ZDHHC21: variants seen among roughly 807,000 people sequenced by gnomAD.
ZDHHC21 encodes the protein zDHHC palmitoyltransferase 21.
ZDHHC21 carries 15 observed loss-of-function variants against 34.6 expected under a neutral mutation model. The observed-to-expected ratio is 0.43, with a 90% confidence interval of 0.29 to 0.67. The LOEUF is 0.67. Ranked by LOEUF, ZDHHC21 falls within the 30% of genes least tolerant of loss-of-function variation. The pLI, the probability that ZDHHC21 is intolerant of heterozygous loss-of-function variation, is 0.14. For missense variants in ZDHHC21, 344 were observed against 327.7 expected, an observed-to-expected ratio of 1.05 and a Z score of -0.38; for synonymous variants, 142 against 101.8, an observed-to-expected ratio of 1.40 and a Z score of -2.38.
the ZDHHC21 span, among the ~76,000 whole-genome samples, chr9:14,604,271 G>C: frequency 1.7e-3 from 263 of 152,044 alleles, 2 homozygotes; most frequent in African/African-American, 6.0e-3. Context: ...TAATAACAAA[G>C]GAAATAATCC....
intron 7 of ZDHHC21, among the ~76,000 whole-genome samples, chr9:14,656,610 C>G (rs563999106): frequency 2.6e-4 from 39 of 151,968 alleles, no homozygotes; most frequent in African/African-American, 9.2e-4. Flanking sequence ...TAAAAGTACA[C>G]CGCTTGATAC....
chr9:14,603,696 A>C, the ZDHHC21 span, among the ~76,000 whole-genome samples: 1 of 152,182 alleles, frequency 6.6e-6, no homozygotes, highest in Non-Finnish European at 1.5e-5. Flanking sequence ...AACAGGCAAT[A>C]CTTATTTTTA....
the ZDHHC21 span, among the ~76,000 whole-genome samples, chr9:14,595,829 TA>T: frequency 6.6e-6 from 1 of 152,154 alleles, no homozygotes; most frequent in African/African-American, 2.4e-5. Flanking sequence ...AATATGCACA[TA>T]AAAGATGTTC....
intron 7 of ZDHHC21, among the ~76,000 whole-genome samples, chr9:14,647,053 C>T (rs1288326024): frequency 2.0e-5 from 3 of 152,040 alleles, no homozygotes; most frequent in Non-Finnish European, 4.4e-5. Flanking sequence ...AAAGTATCTA[C>T]AAGGACTGTT....
At chr9:14,692,265 T>C (rs948604975) in intron 1 of ZDHHC21, among the ~76,000 whole-genome samples, 17 of 152,156 alleles carry the variant, frequency 1.1e-4, no homozygotes, top group Admixed American at 9.2e-4. Flanking sequence ...CATCAAATGG[T>C]GACTGTTATT....
intron 5 of ZDHHC21, among the ~76,000 whole-genome samples, chr9:14,663,784 T>A (rs1004168434): frequency 6.6e-6 from 1 of 152,218 alleles, no homozygotes; most frequent in East Asian, 1.9e-4. Flanking sequence ...AAATACTTTT[T>A]CATCTCTTAC....
At chr9:14,626,704 T>C (rs1384575097) in intron 8 of ZDHHC21, among the ~76,000 whole-genome samples, 1 of 151,916 alleles carries the variant, frequency 6.6e-6, no homozygotes, top group Non-Finnish European at 1.5e-5. Flanking sequence ...TTTAAGCAAA[T>C]GCCCTTGGCA....
chr9:14,669,517 T>G (rs541897920), intron 5 of ZDHHC21, among the ~76,000 whole-genome samples: 2 of 151,698 alleles, frequency 1.3e-5, no homozygotes, highest in African/African-American at 4.9e-5. Flanking sequence ...ATACCCAAAA[T>G]GACTATAAAT....
chr9:14,665,237 A>G (rs1307087386), intron 5 of ZDHHC21, among the ~76,000 whole-genome samples: 2 of 134,838 alleles, frequency 1.5e-5, no homozygotes, highest in East Asian at 4.2e-4. Flanking sequence ...CAACTGGAAG[A>G]AAGGGTATCA....
chr9:14,647,090 A>T (rs1023040908), intron 7 of ZDHHC21, among the ~76,000 whole-genome samples: 16 of 152,198 alleles, frequency 1.1e-4, no homozygotes, highest in Non-Finnish European at 4.4e-5. Context: ...AGCAATAAAC[A>T]CAGAAAAAGA....
At chr9:14,676,805 G>C (rs903061361) in intron 3 of ZDHHC21, among the ~76,000 whole-genome samples, 1 of 151,918 alleles carries the variant, frequency 6.6e-6, no homozygotes, top group African/African-American at 2.4e-5. Flanking sequence ...AAACATTCAA[G>C]ACAATGTTAA....
At chr9:14,669,469 G>GA (rs1400573173) in intron 5 of ZDHHC21, among the ~76,000 whole-genome samples, 1 of 150,178 alleles carries the variant, frequency 6.7e-6, no homozygotes, top group African/African-American at 2.5e-5. Flanking sequence ...TCTAGAACTA[G>GA]AAATACCATT....
chr9:14,664,458 G>A (rs1474955511), intron 5 of ZDHHC21, among the ~76,000 whole-genome samples: 1 of 151,742 alleles, frequency 6.6e-6, no homozygotes, highest in African/African-American at 2.4e-5. Context: ...GCCCAGGCTT[G>A]CTTAGGTAGA....
the ZDHHC21 span, among the ~76,000 whole-genome samples, chr9:14,593,052 G>GA: frequency 6.6e-6 from 1 of 151,638 alleles, no homozygotes; most frequent in East Asian, 1.9e-4. Context: ...ATCTATATTA[G>GA]AAAAAATAAA....
intron 5 of ZDHHC21, among the ~76,000 whole-genome samples, chr9:14,665,214 G>A (rs1834192117): frequency 7.3e-6 from 1 of 136,784 alleles, no homozygotes; most frequent in East Asian, 2.1e-4. Context: ...GAAGCCTCAG[G>A]AGCCGATGCG....
At chr9:14,599,648 T>C in the ZDHHC21 span, among the ~76,000 whole-genome samples, 3 of 151,946 alleles carry the variant, frequency 2.0e-5, no homozygotes, top group Non-Finnish European at 2.9e-5. Flanking sequence ...GGGTGCCAAG[T>C]GATATAGCTC....
chr9:14,686,243 T>TA (rs568680761), intron 2 of ZDHHC21, among the ~76,000 whole-genome samples: 22 of 150,336 alleles, frequency 1.5e-4, no homozygotes, highest in East Asian at 1.9e-4. Context: ...AAGAAGAAAT[T>TA]AAAAAAAAGA....
chr9:14,648,094 T>C (rs151105947), intron 7 of ZDHHC21, among the ~76,000 whole-genome samples: 144 of 152,254 alleles, frequency 9.5e-4, no homozygotes, highest in African/African-American at 3.3e-3. Flanking sequence ...CTTCCAGTTG[T>C]TTGGGCGGTG....
intron 4 of ZDHHC21, 48 bp downstream of exon 4, chr9:14,674,139 A>C: frequency 2.9e-6 from 4 of 1,365,818 alleles, no homozygotes; most frequent in Non-Finnish European, 3.9e-6. Flanking sequence ...AAAAACGTTT[A>C]CAATGAGAAA....
Sources: gnomAD v4.1 joint callset for allele counts (sites outside exome capture counted in the v4.1 genomes callset) on GRCh38, gnomAD v4.1.1 for gene constraint, MANE v1.5 for transcripts, NCBI Gene and HGNC (gene_info 2026-07-23, HGNC 2026-07-21) for gene names.